The following CNBD1 variants were observed in gnomAD, a reference collection of about 807,000 sequenced individuals.
CNBD1 encodes cyclic nucleotide-binding domain-containing protein 1.
In CNBD1, 71 loss-of-function variants were observed where a neutral mutation model predicts 54.4. That is an observed-to-expected ratio of 1.30 (90% CI 1.08 to 1.59). The LOEUF is 1.59. Among genes scored for constraint, CNBD1 ranks in the 40% most tolerant of loss-of-function variants. The pLI, the probability that CNBD1 is intolerant of heterozygous loss-of-function variation, is 0.00. For synonymous variants in CNBD1, 182 were observed against 170.7 expected, an observed-to-expected ratio of 1.07 and a Z score of -0.51; for missense variants, 659 against 518.0, an observed-to-expected ratio of 1.27 and a Z score of -2.64.
intron 2 of CNBD1, among the ~76,000 whole-genome samples, chr8:87,387,890 A>T (rs998884382): frequency 1.7e-4 from 26 of 152,266 alleles, no homozygotes; most frequent in African/African-American, 6.0e-4. Flanking sequence ...GAAAATAGAA[A>T]TTATAACAAA....
At chr8:87,301,110 A>G (rs1463760869) in intron 8 of CNBD1, among the ~76,000 whole-genome samples, 1 of 152,174 alleles carries the variant, frequency 6.6e-6, no homozygotes, top group Non-Finnish European at 1.5e-5. Flanking sequence ...AGAGATGGAT[A>G]AATTCCTGGA....
At position 87,322,303 on chromosome 8, in the gene CNBD1, A is replaced by C. The variant is rs200617024; in HGVS notation, c.1043-29382A>C. Among the ~76,000 whole-genome samples the C allele has an allele frequency of 5.6e-3, 676 of 120,658 alleles. 36 individuals carry two copies. The highest frequency in any genetic ancestry group is 0.013 in the East Asian group (62 of 4,738). 79.2% of individuals were successfully genotyped at this position (120,658 alleles called of 152,430 possible). ...CTTTACAGCAGCATGATTTATAGTC[A>C]TTTGGGTATATACCCAGTAATGGGA... On this transcript the variant is annotated intron_variant, in intron 8 of 10. Transcript: ENST00000518476.
At chr8:87,272,901 A>G (rs1443465742) in intron 6 of CNBD1, among the ~76,000 whole-genome samples, 1 of 151,924 alleles carries the variant, frequency 6.6e-6, no homozygotes, top group Non-Finnish European at 1.5e-5. Flanking sequence ...ACATTATAAC[A>G]CAGAAATATT....
intron 4 of CNBD1, among the ~76,000 whole-genome samples, chr8:87,036,696 A>C (rs1166073199): frequency 6.6e-6 from 1 of 150,836 alleles, no homozygotes; most frequent in Non-Finnish European, 1.5e-5. Context: ...GATAATAAGT[A>C]CTTTTCATTT....
At chr8:86,919,013 TATC>T (rs1429466953) in intron 3 of CNBD1, among the ~76,000 whole-genome samples, 3 of 151,720 alleles carry the variant, frequency 2.0e-5, no homozygotes, top group Non-Finnish European at 4.4e-5. Context: ...TTTCTGAAAA[TATC>T]ATGCTTTTTT....
intron 3 of CNBD1, among the ~76,000 whole-genome samples, chr8:86,933,696 C>T (rs1470195585): frequency 1.3e-5 from 2 of 152,042 alleles, no homozygotes; most frequent in African/African-American, 4.8e-5. Context: ...TTTTTAAAAA[C>T]CTGGGTGGGT....
intron 8 of CNBD1, among the ~76,000 whole-genome samples, chr8:87,330,899 G>T (rs1317662138): frequency 5.3e-5 from 8 of 151,938 alleles, no homozygotes; most frequent in South Asian, 2.1e-4. Flanking sequence ...TATAAATTAG[G>T]TTTCTCATAG....
chr8:87,199,185 T>A (rs963131500), intron 4 of CNBD1, among the ~76,000 whole-genome samples: 1 of 151,828 alleles, frequency 6.6e-6, no homozygotes, highest in Non-Finnish European at 1.5e-5. Context: ...GGGACAAATA[T>A]CCAAACTACA....
intron 3 of CNBD1, among the ~76,000 whole-genome samples, chr8:86,938,627 C>G (rs1240324826): frequency 6.6e-6 from 1 of 152,156 alleles, no homozygotes; most frequent in Non-Finnish European, 1.5e-5. Context: ...GAGACTTACT[C>G]ACTATCATGA....
At chr8:87,311,351 T>C (rs1809259782) in intron 8 of CNBD1, among the ~76,000 whole-genome samples, 1 of 152,076 alleles carries the variant, frequency 6.6e-6, no homozygotes, top group Non-Finnish European at 1.5e-5. Context: ...GTAAAAATGC[T>C]CAACATCACT....
At chr8:87,386,214 C>T (rs1811184141), downstream of CNBD1, among the ~76,000 whole-genome samples, 1 of 152,168 alleles carries the variant, frequency 6.6e-6, no homozygotes, top group Non-Finnish European at 1.5e-5. Context: ...ACCTCTCCTC[C>T]TCCAAAGGAA....
intron 5 of CNBD1, among the ~76,000 whole-genome samples, chr8:87,233,170 A>G (rs1021612367): frequency 3.3e-5 from 5 of 152,342 alleles, no homozygotes; most frequent in South Asian, 2.1e-4. Context: ...ATAACTTAGC[A>G]TGACAATCTT....
chr8:87,013,198 T>A (rs1426109847), intron 4 of CNBD1, among the ~76,000 whole-genome samples: 6 of 152,172 alleles, frequency 3.9e-5, no homozygotes, highest in Admixed American at 3.9e-4. Context: ...CCCCAGGACC[T>A]CCCTTAGGTT....
At chr8:87,406,560 A>C (rs1807657236) in intron 2 of CNBD1, among the ~76,000 whole-genome samples, 1 of 150,640 alleles carries the variant, frequency 6.6e-6, no homozygotes, top group African/African-American at 2.5e-5. Flanking sequence ...GCTTACTGCA[A>C]CTTCTGCCTC....
At chr8:86,930,438 G>T (rs1057094295) in intron 3 of CNBD1, among the ~76,000 whole-genome samples, 10 of 152,164 alleles carry the variant, frequency 6.6e-5, no homozygotes, top group Admixed American at 1.3e-4. Context: ...GCCTGGACTT[G>T]AGAAATGGCC....
chr8:87,284,938 C>A, intron 7 of CNBD1, 123 bp downstream of exon 7: 1 of 684,276 alleles, frequency 1.5e-6, no homozygotes, highest in Non-Finnish European at 2.2e-6. Flanking sequence ...AACCTAGAGA[C>A]CATAAAAATG....
At chr8:87,425,342 C>G (rs1416690408) in intron 2 of CNBD1, among the ~76,000 whole-genome samples, 4 of 152,220 alleles carry the variant, frequency 2.6e-5, no homozygotes, top group African/African-American at 9.6e-5. Flanking sequence ...CTCCGTCCAG[C>G]TTTGTTCCGT....
At chr8:87,121,836 A>C (rs1811896276) in intron 4 of CNBD1, among the ~76,000 whole-genome samples, 1 of 151,662 alleles carries the variant, frequency 6.6e-6, no homozygotes, top group Non-Finnish European at 1.5e-5. Flanking sequence ...TGTTGTCACA[A>C]ATAACAGGGG....
At position 87,401,818 on chromosome 8, in the gene CNBD1, A is replaced by G. The variant is rs141500121; in HGVS notation, c.214-26728A>G. ...CCTGATATCAATTATGCTTTTCCACATTAAGGAACACCAATATCATTTGAT... is the reference window on the plus strand; with the variant it reads ...CCTGATATCAATTATGCTTTTCCACGTTAAGGAACACCAATATCATTTGAT... On this transcript the variant is annotated intron_variant, in intron 2 of 7. Transcript: ENST00000521593. Among the ~76,000 whole-genome samples the G allele has an allele frequency of 7.6e-4, 116 of 152,166 alleles. No individual in the cohort carries two copies. In the Middle Eastern group the frequency reaches 0.031, roughly 40 times the overall value.
Sources: gnomAD v4.1 joint callset for allele counts (sites outside exome capture counted in the v4.1 genomes callset) on GRCh38, gnomAD v4.1.1 for gene constraint, MANE v1.5 for transcripts, NCBI Gene and HGNC (gene_info 2026-07-23, HGNC 2026-07-21) for gene names.